The following KIF26B variants were observed in gnomAD, a reference collection of about 807,000 sequenced individuals.
The protein encoded by KIF26B is kinesin family member 26B.
KIF26B carries 63 observed loss-of-function variants against 151.2 expected under a neutral mutation model. The ratio of observed to expected loss-of-function variants is 0.42; its 90% CI spans 0.34 to 0.51. The LOEUF (loss-of-function observed/expected upper bound fraction) is 0.51. KIF26B is among the 20% of genes least tolerant of loss of function. The pLI, the probability that KIF26B is intolerant of heterozygous loss-of-function variation, is 0.07. For missense variants in KIF26B, 2,813 were observed against 2,913.6 expected, an observed-to-expected ratio of 0.97 and a Z score of 0.79; for synonymous variants, 1,357 against 1,262.1, an observed-to-expected ratio of 1.08 and a Z score of -1.59.
intron 6 of KIF26B, among the ~76,000 whole-genome samples, chr1:245,604,415 C>T (rs1000016561): frequency 6.6e-6 from 1 of 152,138 alleles, no homozygotes; most frequent in African/African-American, 2.4e-5. Context: ...ATGCGGTTTC[C>T]CCAAAGAGTT....
intron 5 of KIF26B, among the ~76,000 whole-genome samples, chr1:245,543,731 C>T (rs1661675132): frequency 6.6e-6 from 1 of 152,160 alleles, no homozygotes; most frequent in East Asian, 1.9e-4. Context: ...GGGCGGATCA[C>T]GAGGTCAGGG....
At chr1:245,373,021 T>C (rs552638155) in intron 3 of KIF26B, among the ~76,000 whole-genome samples, 1 of 152,344 alleles carries the variant, frequency 6.6e-6, no homozygotes, top group East Asian at 1.9e-4. Context: ...ATAAATTATC[T>C]ATTTCAACCT....
chr1:245,173,379 C>T (rs1241552386), intron 2 of KIF26B, among the ~76,000 whole-genome samples: 5 of 152,168 alleles, frequency 3.3e-5, no homozygotes, highest in African/African-American at 1.2e-4. Context: ...GGCGCACACA[C>T]ACGGAAAGTA....
chr1:245,207,266 AC>A (rs1317533099), intron 2 of KIF26B, among the ~76,000 whole-genome samples: 10 of 152,246 alleles, frequency 6.6e-5, no homozygotes, highest in Non-Finnish European at 1.3e-4. Context: ...GGTGCTTCTC[AC>A]AGGACTGGTT....
At chr1:245,228,341 C>T (rs530385955) in intron 2 of KIF26B, among the ~76,000 whole-genome samples, 1 of 152,074 alleles carries the variant, frequency 6.6e-6, no homozygotes, top group African/African-American at 2.4e-5. Context: ...CCCAGGCGGG[C>T]GGATCACCTG....
At chr1:245,205,112 G>A (rs1271174141) in intron 2 of KIF26B, among the ~76,000 whole-genome samples, 2 of 152,102 alleles carry the variant, frequency 1.3e-5, no homozygotes, top group African/African-American at 2.4e-5. Flanking sequence ...CATTTAACAG[G>A]CCTGGTTGGG....
At chr1:245,174,499 C>CTTAT (rs59872226) in intron 2 of KIF26B, among the ~76,000 whole-genome samples, 38 of 150,390 alleles carry the variant, frequency 2.5e-4, no homozygotes, top group African/African-American at 7.6e-4. Flanking sequence ...TATGTATGTA[C>CTTAT]TTATTTATTT....
chr1:245,455,725 C>T (rs1261721409), intron 4 of KIF26B, among the ~76,000 whole-genome samples: 1 of 152,076 alleles, frequency 6.6e-6, no homozygotes, highest in Non-Finnish European at 1.5e-5. Context: ...AGAGGCTGAC[C>T]CTTGCCCTGA....
chr1:245,532,243 C>T (rs367566920), intron 4 of KIF26B, among the ~76,000 whole-genome samples: 2 of 95,186 alleles, frequency 2.1e-5, no homozygotes, highest in Non-Finnish European at 4.9e-5. Flanking sequence ...CTTTTCTTTT[C>T]TTTTCTTTTT....
chr1:245,539,418 C>T (rs1661553116), intron 4 of KIF26B, among the ~76,000 whole-genome samples: 1 of 152,178 alleles, frequency 6.6e-6, no homozygotes, highest in Admixed American at 6.5e-5. Flanking sequence ...CTGGTAAGAA[C>T]ATTGGATGAA....
chr1:245,371,619 G>A (rs552906317), intron 3 of KIF26B: 2 of 152,272 alleles, frequency 1.3e-5, no homozygotes, highest in Admixed American at 6.5e-5. Flanking sequence ...AGTGAGCCTG[G>A]GGAAATCTGC....
chr1:245,171,741 C>T (rs1668713015), intron 2 of KIF26B, among the ~76,000 whole-genome samples: 1 of 152,166 alleles, frequency 6.6e-6, no homozygotes, highest in Non-Finnish European at 1.5e-5. Context: ...TTACAGTTCC[C>T]TGATGAAGAG....
intron 2 of KIF26B, among the ~76,000 whole-genome samples, chr1:245,271,600 A>C (rs1179092249): frequency 6.9e-6 from 1 of 145,664 alleles, no homozygotes; most frequent in Non-Finnish European, 1.5e-5. Flanking sequence ...TTTTTTTTAC[A>C]TATTTTGAGA....
intron 3 of KIF26B, among the ~76,000 whole-genome samples, chr1:245,405,233 A>G (rs1674105603): frequency 2.6e-5 from 4 of 152,212 alleles, no homozygotes; most frequent in Admixed American, 2.0e-4. Flanking sequence ...GTGAAAGTCT[A>G]GATGATCAGC....
At chr1:245,690,073 A>G (rs1426783520) in intron 12 of KIF26B, among the ~76,000 whole-genome samples, 1 of 152,182 alleles carries the variant, frequency 6.6e-6, no homozygotes, top group Non-Finnish European at 1.5e-5. Context: ...AGACAGACAG[A>G]GGCAAAAGTT....
intron 4 of KIF26B, among the ~76,000 whole-genome samples, chr1:245,482,533 A>T (rs1187859280): frequency 1.3e-5 from 2 of 151,802 alleles, no homozygotes; most frequent in Admixed American, 1.3e-4. Context: ...CTCTTCTGAG[A>T]GCTTGGGGAA....
chr1:245,595,618 T>A (rs1403993997), intron 5 of KIF26B, among the ~76,000 whole-genome samples: 2 of 152,158 alleles, frequency 1.3e-5, no homozygotes, highest in Non-Finnish European at 2.9e-5. Context: ...TGGCCTGAAA[T>A]TTTCTTTTTT....
rs930153685 is a variant in KIF26B, at chr1:245,241,020, T to C, written c.465+84337T>C. ...CATGGATCTCCACCTTTTCCTACTC[T>C]TGGGTCTCACAGGGCCTGGGGATTG... On this transcript the variant is annotated intron_variant, in intron 2 of 14. Coordinates refer to ENST00000407071, the MANE Select transcript of KIF26B (RefSeq NM_018012.4). The surrounding 1 kb of genome is among the most constrained non-coding windows in gnomAD (Gnocchi z 5.0). Among the ~76,000 whole-genome samples the C allele has an allele frequency of 1.3e-5, 2 of 152,196 alleles. No homozygotes were observed. Among genetic ancestry groups the C allele is most frequent in the African/African-American group, 2.4e-5 (1 of 41,456 alleles).
At chr1:245,482,376 C>T (rs1660186567) in intron 4 of KIF26B, among the ~76,000 whole-genome samples, 2 of 152,020 alleles carry the variant, frequency 1.3e-5, no homozygotes, top group South Asian at 4.2e-4. Context: ...GCATGAGCCA[C>T]CATGCCTGGT....
Sources: allele counts gnomAD v4.1 joint callset (sites outside exome capture counted in the v4.1 genomes callset), GRCh38; gene constraint gnomAD v4.1.1; non-coding constraint Gnocchi (gnomAD v3.1); transcripts MANE v1.5; gene names NCBI Gene and HGNC (gene_info 2026-07-23, HGNC 2026-07-21).